Variants in PRIM2 observed in about 807,000 individuals in gnomAD.
PRIM2 encodes the protein DNA primase large subunit.
In PRIM2, 39 loss-of-function variants were observed where a neutral mutation model predicts 67.3. That is an observed-to-expected ratio of 0.58 (90% CI 0.45 to 0.76). The LOEUF (loss-of-function observed/expected upper bound fraction) is 0.76, where lower values mean the gene tolerates loss of function less well. Among genes scored for constraint, PRIM2 ranks in the 30% least tolerant of loss-of-function variants. PRIM2 has a pLI of 0.00. For synonymous variants in PRIM2, 143 were observed against 198.7 expected (o/e 0.72, Z 2.36); for missense variants, 398 against 598.7 (o/e 0.66, Z 3.50).
chr6:57,336,084 C>A (rs527479802), intron 5 of PRIM2, among the ~76,000 whole-genome samples: 1 of 151,890 alleles, frequency 6.6e-6, no homozygotes, highest in African/African-American at 2.4e-5. Context: ...GGAGCCGATG[C>A]GATCAACTGG....
chr6:57,365,949 CAAAAAAAAAAAA>C (rs5876544), intron 5 of PRIM2, among the ~76,000 whole-genome samples: 1 of 62,646 alleles, frequency 1.6e-5, no homozygotes, highest in African/African-American at 5.3e-5. Context: ...GACCATATCT[CAAAAAAAAAAAA>C]AAAAAAAAAA....
intron 7 of PRIM2, among the ~76,000 whole-genome samples, chr6:57,451,631 G>A (rs1438774937): frequency 4.6e-5 from 7 of 152,036 alleles, no homozygotes; most frequent in African/African-American, 7.2e-5. Flanking sequence ...AATAGGTCCC[G>A]AAAGCTGTAG....
At chr6:57,242,404 T>A in the PRIM2 span, among the ~76,000 whole-genome samples, 1 of 152,112 alleles carries the variant, frequency 6.6e-6, no homozygotes, top group Non-Finnish European at 1.5e-5. Context: ...TAACAATGTT[T>A]TGTGAGGGAA....
rs1410261586 is a variant in PRIM2, at chr6:57,469,043, G to C, written c.694-38344G>C. Reference sequence around the variant, plus strand: ...TGAGGGAGAAATGGTTATGAAGAGAGCTTCTCATGTTAGGATGTAGTGGCT... The same window carrying C: ...TGAGGGAGAAATGGTTATGAAGAGACCTTCTCATGTTAGGATGTAGTGGCT... On this transcript the variant is annotated intron_variant, in intron 7 of 13. Transcript: ENST00000615550. Among the ~76,000 whole-genome samples, 9 of 152,208 alleles carry C rather than the reference G, an allele frequency of 5.9e-5. No homozygotes were observed. In the South Asian group the frequency reaches 1.9e-3, roughly 31 times the overall value.
the PRIM2 span, among the ~76,000 whole-genome samples, chr6:57,292,442 A>G: frequency 6.6e-6 from 1 of 152,194 alleles, no homozygotes; most frequent in South Asian, 2.1e-4. Flanking sequence ...TATAGATTCA[A>G]TGCCATCCCC....
At chr6:57,257,422 C>T in the PRIM2 span, among the ~76,000 whole-genome samples, 4 of 152,090 alleles carry the variant, frequency 2.6e-5, no homozygotes, top group African/African-American at 4.8e-5. Context: ...CAGGCACCCA[C>T]CACCAAGCCC....
chr6:57,529,193 C>T (rs1257769548), intron 8 of PRIM2, among the ~76,000 whole-genome samples: 7 of 151,966 alleles, frequency 4.6e-5, no homozygotes, highest in Non-Finnish European at 1.0e-4. Context: ...GCCTGTATTC[C>T]CAGCTACTTG....
intron 7 of PRIM2, among the ~76,000 whole-genome samples, chr6:57,423,169 A>G (rs1198162643): frequency 1.3e-5 from 2 of 152,074 alleles, no homozygotes; most frequent in Non-Finnish European, 2.9e-5. Flanking sequence ...TCATTTCTTC[A>G]TTAGTATTAT....
At chr6:57,319,476 A>G (rs1326622342) in intron 2 of PRIM2, among the ~76,000 whole-genome samples, 1 of 152,214 alleles carries the variant, frequency 6.6e-6, no homozygotes. Context: ...TGTGTGTTGA[A>G]TGAAAGAATG....
At chr6:57,539,507 A>G (rs1202538528) in intron 10 of PRIM2, among the ~76,000 whole-genome samples, 1 of 152,066 alleles carries the variant, frequency 6.6e-6, no homozygotes, top group Admixed American at 6.6e-5. Flanking sequence ...TAAATAACAG[A>G]GTCAAATAGC....
the PRIM2 span, among the ~76,000 whole-genome samples, chr6:57,248,046 G>A: frequency 1.1e-4 from 17 of 152,294 alleles, no homozygotes; most frequent in East Asian, 1.7e-3. Flanking sequence ...ATGAGATCAC[G>A]TGAGGAATTA....
chr6:57,258,594 AC>A, the PRIM2 span, among the ~76,000 whole-genome samples: 1 of 20,134 alleles, frequency 5.0e-5, no homozygotes, highest in East Asian at 3.5e-3. Context: ...CAACCCACCC[AC>A]CCCTCCACTG....
chr6:57,288,890 T>C, the PRIM2 span, among the ~76,000 whole-genome samples: 1 of 152,110 alleles, frequency 6.6e-6, no homozygotes, highest in African/African-American at 2.4e-5. Flanking sequence ...ACAGCACACC[T>C]CTTCTCCTCC....
At chr6:57,576,547 T>C (rs1775967168) in intron 10 of PRIM2, among the ~76,000 whole-genome samples, 1 of 152,166 alleles carries the variant, frequency 6.6e-6, no homozygotes, top group South Asian at 2.1e-4. Context: ...CATTTGGTTA[T>C]GAGAAAGGAA....
At chr6:57,599,470 C>A (rs1203818125) in intron 10 of PRIM2, among the ~76,000 whole-genome samples, 3 of 151,516 alleles carry the variant, frequency 2.0e-5, no homozygotes, top group African/African-American at 4.9e-5. Context: ...CAGAAGTAAT[C>A]TCTTCTTCCT....
At chr6:57,397,132 T>C (rs1048285110) in intron 7 of PRIM2, among the ~76,000 whole-genome samples, 1 of 152,184 alleles carries the variant, frequency 6.6e-6, no homozygotes, top group Non-Finnish European at 1.5e-5. Flanking sequence ...GATAACCTGA[T>C]GAAAATGTGC....
rs1777331312 is a variant in PRIM2 at position 57,646,167 on chromosome 6, A to G, written c.*9A>G. 3.8e-6 allele frequency: 6 copies of G among 1,576,180 alleles called. No homozygotes were observed. Among genetic ancestry groups the G allele is most frequent in the South Asian group, 3.3e-5 (3 of 89,572 alleles). On this transcript the variant is annotated 3_prime_UTR_variant, in exon 14 of 14. Coordinates refer to ENST00000615550, the MANE Select transcript of PRIM2 (RefSeq NM_000947.5). ...TTAGTGAAGATTCTTAGGCAGTTTT[A>G]TAACCCTTTTTCCTCAATAGCCTGT... is the stretch of plus-strand genomic sequence containing the variant.
chr6:57,235,602 C>T, the PRIM2 span, among the ~76,000 whole-genome samples: 2 of 152,158 alleles, frequency 1.3e-5, no homozygotes, highest in African/African-American at 4.8e-5. Context: ...TTCTACCACC[C>T]CAAAGTTGTC....
intron 10 of PRIM2, among the ~76,000 whole-genome samples, chr6:57,562,113 C>T (rs1775643883): frequency 1.3e-5 from 2 of 152,070 alleles, no homozygotes; most frequent in Non-Finnish European, 2.9e-5. Flanking sequence ...GTGTTTGTGA[C>T]ACCCCAAAAC....
Sources: gnomAD v4.1 joint callset for allele counts (sites outside exome capture counted in the v4.1 genomes callset) on GRCh38, gnomAD v4.1.1 for gene constraint, MANE v1.5 for transcripts, NCBI Gene and HGNC (gene_info 2026-07-23, HGNC 2026-07-21) for gene names.